Variants in KHK observed in about 807,000 individuals in gnomAD.
KHK encodes ketohexokinase.
Under a neutral mutation model 36.0 loss-of-function variants are expected in KHK, and 37 were observed. The ratio of observed to expected loss-of-function variants is 1.03; its 90% CI spans 0.79 to 1.35. The LOEUF (loss-of-function observed/expected upper bound fraction) is 1.35, where lower values mean the gene tolerates loss of function less well. Among genes scored for constraint, KHK ranks in the 40% most tolerant of loss-of-function variants. The pLI is 0.00. For synonymous variants in KHK, 161 were observed against 162.8 expected, an observed-to-expected ratio of 0.99 and a Z score of 0.08; for missense variants, 395 against 391.9, an observed-to-expected ratio of 1.01 and a Z score of -0.07.
At chr2:27,088,295 C>T (rs944277023) in intron 1 of KHK, among the ~76,000 whole-genome samples, 4 of 151,798 alleles carry the variant, frequency 2.6e-5, no homozygotes, top group African/African-American at 9.7e-5. Context: ...GTATAAGGGA[C>T]GGGTTCTCAC....
At chr2:27,092,744 C>T (rs566944714) in intron 2 of KHK, among the ~76,000 whole-genome samples, 3 of 152,290 alleles carry the variant, frequency 2.0e-5, no homozygotes, top group South Asian at 4.1e-4. Flanking sequence ...GCAGACTCTG[C>T]GGTGGATGTG....
chr2:27,097,711 A>T (rs1670463602), intron 5 of KHK, 62 bp downstream of exon 5: 16 of 1,604,578 alleles, frequency 1.0e-5, no homozygotes, highest in African/African-American at 1.3e-5. Context: ...AAAGGGAGCC[A>T]GAATCCTTTT....
At position 27,099,991 on chromosome 2, in the gene KHK, A is replaced by ACTGCTCTGGCTGGGCATTC. The variant is rs1670710032; in HGVS notation, c.*245_*263dup. On this transcript the variant is annotated 3_prime_UTR_variant, in exon 8 of 8. Coordinates refer to ENST00000260598, the MANE Select transcript of KHK (RefSeq NM_006488.3). ...GCCAGCTTCTCCTCTCAATGTCTGA[A>ACTGCTCTGGCTGGGCATTC]CTGCTCTGGCTGGGCATTCCTGAGG... 2 of 813,210 alleles carry ACTGCTCTGGCTGGGCATTC rather than the reference A, an allele frequency of 2.5e-6. No homozygotes were observed. The highest frequency in any genetic ancestry group is 3.9e-5 in the African/African-American group (2 of 51,188). 50.4% of individuals were successfully genotyped at this position (813,210 alleles called of 1,614,324 possible).
chr2:27,088,585 T>C (rs967552808), intron 1 of KHK, among the ~76,000 whole-genome samples: 11 of 152,276 alleles, frequency 7.2e-5, no homozygotes, highest in Admixed American at 7.2e-4. Context: ...ACTAATTTTT[T>C]TTTTCTTTTG....
At position 27,097,634 on chromosome 2, in the gene KHK, T is replaced by C. The variant is rs749172703; in HGVS notation, c.549T>C (p.Phe183=). ...EKPREELFQL[F]GYGDVVFVSK... The stretch of plus-strand genomic sequence containing the variant: ...CACGAGAGGAGCTCTTCCAGCTGTT[T>C]GGCTACGGAGACGTGGTGGGTGCCC... Residue 183 remains phenylalanine (F), a synonymous_variant, in exon 5 of 8, where the codon TTT becomes TTC. Transcript: ENST00000260598. 1 of 1,614,122 alleles carries C rather than the reference T, an allele frequency of 6.2e-7. No individual in the cohort carries two copies. Among genetic ancestry groups the C allele is most frequent in the Non-Finnish European group, 8.5e-7 (1 of 1,180,048 alleles).
In KHK at chr2:27,092,536, G is replaced by A. The variant is rs2148344028; in HGVS notation, c.209+88G>A. 2 of 953,742 alleles carry A rather than the reference G, an allele frequency of 2.1e-6. 1 individual carries two copies. The highest frequency in any genetic ancestry group is 2.7e-5 in the South Asian group (2 of 74,800). The allele number at this position is 953,742 out of a possible 1,614,324, so 59.1% of individuals were successfully genotyped here. ...ATGTATCCACCCTGGGTGGATGGGG[G>A]ATTAGAAATGGGTTGTGTCCAGCAG... On this transcript the variant is annotated intron_variant, in intron 2 of 7. Transcript: ENST00000260598.
intron 1 of KHK, chr2:27,088,148 G>T (rs1001191239): frequency 1.7e-5 from 2 of 120,930 alleles, no homozygotes; most frequent in African/African-American, 3.3e-5. Context: ...TCATTCTGTC[G>T]TCCAGGCTGG....
At chr2:27,088,591 T>G (rs1669806186) in intron 1 of KHK, among the ~76,000 whole-genome samples, 1 of 152,182 alleles carries the variant, frequency 6.6e-6, no homozygotes, top group Non-Finnish European at 1.5e-5. Flanking sequence ...TTTTTTTTTC[T>G]TTTGTAGAGA....
Position 27,087,328 on chromosome 2 carries a change from C to A in KHK, c.69C>A (p.Tyr23Ter), listed in dbSNP as rs746170580. Residue 23 changes from tyrosine (Y) to a stop codon, truncating the protein, a stop_gained, in exon 1 of 8, where the codon TAC becomes TAA. Transcript: ENST00000260598. LOFTEE classifies it high-confidence loss of function. ...ACGTCATCAGCCTGGTGGACAAGTA[C>A]CCTAAGGAGGACTCGGAGATAAGGT... ...VLDVISLVDK[Y>*]PKEDSEIRCL... The A allele has an allele frequency of 1.3e-6, 2 of 1,597,584 alleles. No homozygotes were observed. Among genetic ancestry groups the A allele is most frequent in the East Asian group, 2.3e-5 (1 of 44,242 alleles).
At position 27,094,419 on chromosome 2, in the gene KHK, T is replaced by A. The variant is rs1670198695; in HGVS notation, c.210-381T>A. ...TCCCTAGTGGCCCTGCCAGCTACCC[T>A]CCAGTCCCCAAAACCCTTGTCGAAC... On this transcript the variant is annotated intron_variant, in intron 2 of 7. Coordinates refer to ENST00000260598, the MANE Select transcript of KHK (RefSeq NM_006488.3). 16 of 1,606,542 alleles carry A rather than the reference T, an allele frequency of 1.0e-5. No individual in the cohort carries two copies. The East Asian group carries it at 3.6e-4, about 36-fold the overall frequency.
At chr2:27,098,472 A>G (rs1209237486) in intron 5 of KHK, among the ~76,000 whole-genome samples, 2 of 143,096 alleles carry the variant, frequency 1.4e-5, no homozygotes, top group African/African-American at 5.8e-5. Flanking sequence ...CCCTGTCTCT[A>G]TACAAAAAAA....
Position 27,094,347 on chromosome 2 carries a change from C to G in KHK, c.210-453C>G. On this transcript the variant is annotated intron_variant, in intron 2 of 7. Transcript: ENST00000260598. ...CACTGCCTGTGGCAAGACTGTGATT[C>G]CCAGTTCTCTCCCAGCCCCCTTTGC... 6.5e-6 allele frequency: 7 copies of G among 1,071,970 alleles called. No individual in the cohort carries two copies. The East Asian group carries it at 9.5e-5, about 14-fold the overall frequency. The allele number at this position is 1,071,970 out of a possible 1,614,324, so 66.4% of individuals were successfully genotyped here. A position where few individuals can be genotyped will look rare whatever the true frequency, so the allele number is the denominator to read the frequency against.
rs756059234 is a variant in KHK, at chr2:27,094,940, G to A, written c.344+6G>A. ...ACCATTGTGCTCCATGACACGTAAG[G>A]CCCCCGGGCCTCGCCCTGCTACAAC... On this transcript the variant is annotated splice_donor_region_variant and intron_variant, in intron 3 of 7. Coordinates refer to ENST00000260598, the MANE Select transcript of KHK (RefSeq NM_006488.3). 1.2e-6 allele frequency: 2 copies of A among 1,613,648 alleles called. No individual in the cohort carries two copies. The highest frequency in any genetic ancestry group is 1.3e-5 in the African/African-American group (1 of 74,942).
rs770138704 is a variant in KHK at position 27,099,553 on chromosome 2, T to A, written c.787T>A (p.Ser263Thr). Residue 263 changes from serine to threonine, a missense_variant, in exon 7 of 8, where the codon TCC (serine) becomes ACC (threonine). Ser to Thr is a moderately conservative substitution (Grantham distance 58). Coordinates refer to ENST00000260598, the MANE Select transcript of KHK (RefSeq NM_006488.3). ...GGGAGCTGGAGACACCTTCAATGCC[T>A]CCGTCATCTTCAGCCTCTCCCAGGG... is the stretch of plus-strand genomic sequence containing the variant. ...TLGAGDTFNA[S>T]VIFSLSQGRS... is the part of the protein sequence containing the mutation. 3 of 1,614,106 alleles carry A rather than the reference T, an allele frequency of 1.9e-6. No individual in the cohort carries two copies. The East Asian group carries it at 6.7e-5, about 36-fold the overall frequency.
At chr2:27,098,574 C>A (rs1050725130) in intron 5 of KHK, among the ~76,000 whole-genome samples, 1 of 151,864 alleles carries the variant, frequency 6.6e-6, no homozygotes, top group South Asian at 2.1e-4. Context: ...TGAGCCCCAC[C>A]ATCTTGTTTT....
intron 2 of KHK, 72 bp downstream of exon 2, chr2:27,092,520 C>T: frequency 3.6e-6 from 4 of 1,124,584 alleles, no homozygotes; most frequent in East Asian, 2.4e-5. Flanking sequence ...GATGTATCCA[C>T]CCTGGGTGGA....
intron 1 of KHK, among the ~76,000 whole-genome samples, chr2:27,088,375 G>A (rs942676011): frequency 2.0e-5 from 3 of 151,978 alleles, no homozygotes; most frequent in African/African-American, 7.2e-5. Flanking sequence ...TCAAAGTACT[G>A]GGATTACAGG....
intron 5 of KHK, 49 bp downstream of exon 5, chr2:27,097,698 C>T: frequency 1.2e-6 from 2 of 1,612,408 alleles, no homozygotes; most frequent in Non-Finnish European, 1.7e-6. Flanking sequence ...TAATTTGGTT[C>T]TTAAAGGGAG....
intron 2 of KHK, 60 bp downstream of exon 2, chr2:27,092,508 A>G: frequency 1.6e-6 from 2 of 1,243,570 alleles, no homozygotes; most frequent in Non-Finnish European, 2.4e-6. Context: ...TGGGAGAAGA[A>G]GGATGTATCC....
Sources: gnomAD v4.1 joint callset for allele counts (sites outside exome capture counted in the v4.1 genomes callset) on GRCh38, gnomAD v4.1.1 for gene constraint, MANE v1.5 for transcripts, NCBI Gene and HGNC (gene_info 2026-07-23, HGNC 2026-07-21) for gene names.